Variants in MOXD1 observed in about 807,000 individuals in gnomAD.
MOXD1 encodes monooxygenase DBH like 1, also known as DBH-like monooxygenase protein 1.
MOXD1 carries 62 observed loss-of-function variants against 66.6 expected under a neutral mutation model. The observed-to-expected ratio is 0.93, with a 90% CI of 0.76 to 1.15. The LOEUF (loss-of-function observed/expected upper bound fraction) is 1.15, where lower values mean the gene tolerates loss of function less well. Among genes scored for constraint, MOXD1 ranks in the 50% most tolerant of loss-of-function variants. The pLI is 0.00. For synonymous variants in MOXD1, 303 were observed against 281.9 expected, an observed-to-expected ratio of 1.07 and a Z score of -0.75; for missense variants, 847 against 754.6, an observed-to-expected ratio of 1.12 and a Z score of -1.44.
chr6:132,311,582 A>G (rs1156827880), intron 10 of MOXD1, among the ~76,000 whole-genome samples: 1 of 152,026 alleles, frequency 6.6e-6, no homozygotes, highest in Non-Finnish European at 1.5e-5. Context: ...TCTTCATAAA[A>G]TATTATTTCT....
intron 4 of MOXD1, among the ~76,000 whole-genome samples, chr6:132,360,182 G>A (rs1023842228): frequency 2.0e-5 from 3 of 152,194 alleles, no homozygotes; most frequent in Non-Finnish European, 4.4e-5. Flanking sequence ...TTTAGTCAAT[G>A]AATGCTGTTT....
intron 1 of MOXD1, among the ~76,000 whole-genome samples, chr6:132,379,744 T>C (rs1384901733): frequency 6.6e-6 from 1 of 152,222 alleles, no homozygotes; most frequent in Non-Finnish European, 1.5e-5. Flanking sequence ...ATTGTATTCA[T>C]ATTTTACTTG....
At chr6:132,378,066 G>A (rs1372294967) in intron 1 of MOXD1, among the ~76,000 whole-genome samples, 1 of 152,090 alleles carries the variant, frequency 6.6e-6, no homozygotes, top group Non-Finnish European at 1.5e-5. Flanking sequence ...CTGGGAGGCG[G>A]AGGTTGCAGT....
intron 4 of MOXD1, among the ~76,000 whole-genome samples, chr6:132,358,622 T>A (rs375632966): frequency 2.6e-5 from 4 of 152,312 alleles, no homozygotes; most frequent in African/African-American, 9.6e-5. Context: ...ACCAAAATCA[T>A]AAAAGTTAAG....
In MOXD1 at chr6:132,297,103, A is replaced by G. The variant is rs1267022133; in HGVS notation, c.*50T>C. On this transcript the variant is annotated 3_prime_UTR_variant, in exon 12 of 12. Transcript: ENST00000367963. ...ACACAGTCTTTAACCTGTACTTCAA[A>G]TGACAGGTTCAGATCATAGAAAACA... 8.2e-6 allele frequency: 13 copies of G among 1,582,722 alleles called. No individual in the cohort carries two copies. Among genetic ancestry groups the G allele is most frequent in the Admixed American group, 1.7e-5 (1 of 57,762 alleles).
chr6:132,307,858 A>G (rs1774729437), intron 10 of MOXD1, among the ~76,000 whole-genome samples: 2 of 152,338 alleles, frequency 1.3e-5, no homozygotes, highest in South Asian at 4.1e-4. Flanking sequence ...TCTGGGACAC[A>G]GCTAAAGCAG....
intron 4 of MOXD1, among the ~76,000 whole-genome samples, chr6:132,369,946 A>G (rs186979242): frequency 1.2e-3 from 178 of 152,282 alleles, no homozygotes; most frequent in Middle Eastern, 3.4e-3. Flanking sequence ...AACTGCAAAT[A>G]CAAACAAATT....
chr6:132,375,292 C>T (rs1776355685), intron 1 of MOXD1, among the ~76,000 whole-genome samples: 1 of 152,110 alleles, frequency 6.6e-6, no homozygotes, highest in Non-Finnish European at 1.5e-5. Flanking sequence ...AATGGCATAT[C>T]CTTATTAAAA....
At chr6:132,393,328 T>C (rs758192861) in intron 1 of MOXD1, among the ~76,000 whole-genome samples, 3 of 152,128 alleles carry the variant, frequency 2.0e-5, no homozygotes, top group Non-Finnish European at 4.4e-5. Flanking sequence ...GGAGCTAAAA[T>C]AGCAATTAGA....
At chr6:132,386,431 A>AC (rs1203368743) in intron 1 of MOXD1, among the ~76,000 whole-genome samples, 11 of 133,120 alleles carry the variant, frequency 8.3e-5, no homozygotes, top group African/African-American at 3.2e-4. Context: ...AACAAAACAA[A>AC]ACAAAAAAAA....
chr6:132,336,388 A>T (rs898005157), intron 4 of MOXD1, among the ~76,000 whole-genome samples: 2 of 152,200 alleles, frequency 1.3e-5, no homozygotes, highest in African/African-American at 4.8e-5. Context: ...TTTCAGCCAG[A>T]ACTAACCATG....
intron 4 of MOXD1, among the ~76,000 whole-genome samples, chr6:132,349,440 TATATATATATACATATATATATATAC>T (rs1775750357): frequency 3.0e-5 from 2 of 66,094 alleles, no homozygotes; most frequent in Non-Finnish European, 4.8e-5. Flanking sequence ...TATATACATA[TATATATATATACATATATATATATAC>T]ATATATATAT....
chr6:132,310,837 G>A lies in MOXD1; in HGVS notation c.1508+4798C>T, dbSNP rs139225747. Among the ~76,000 whole-genome samples the A allele has an allele frequency of 2.8e-3, 421 of 152,172 alleles. 2 individuals are homozygous for A. The highest frequency in any genetic ancestry group is 9.8e-3 in the African/African-American group (408 of 41,538). ...CAGAGAGGGGAGCAACACACACCAG[G>A]GCCTGTTGGGGGATGGGGGGTGAAG... On this transcript the variant is annotated intron_variant, in intron 10 of 11. Coordinates refer to ENST00000367963, the MANE Select transcript of MOXD1 (RefSeq NM_015529.4).
intron 4 of MOXD1, among the ~76,000 whole-genome samples, chr6:132,345,402 A>G (rs1208369420): frequency 6.6e-6 from 1 of 152,118 alleles, no homozygotes; most frequent in Admixed American, 6.5e-5. Flanking sequence ...ATAAATTGGT[A>G]AGTTTTTCTT....
At chr6:132,382,239 T>A (rs1159011968) in intron 1 of MOXD1, among the ~76,000 whole-genome samples, 1 of 152,082 alleles carries the variant, frequency 6.6e-6, no homozygotes, top group African/African-American at 2.4e-5. Flanking sequence ...TAGAGAGGAT[T>A]CAGAGAATCA....
chr6:132,315,698 C>G lies in MOXD1; in HGVS notation c.1445G>C (p.Ser482Thr), dbSNP rs1197220042. 1.9e-6 allele frequency: 3 copies of G among 1,613,370 alleles called. No homozygotes were observed. The highest frequency in any genetic ancestry group is 1.3e-5 in the African/African-American group (1 of 74,860). The change falls in exon 10 of 12, where the codon AGT (serine) becomes ACT (threonine). Residue 482 changes from serine to threonine, a missense_variant. Physicochemically the swap from Ser to Thr is moderately conservative, Grantham distance 58. Coordinates refer to ENST00000367963, the MANE Select transcript of MOXD1 (RefSeq NM_015529.4). ...AAGTTGTTCCATAATGTCTGGAATA[C>G]TTGCACATCGAGTAAGATTAATTCT... is the stretch of plus-strand genomic sequence containing the variant. ...YPRINLTRCA[S>T]IPDIMEQLQF...
At chr6:132,369,398 G>A (rs1176744398) in intron 4 of MOXD1, among the ~76,000 whole-genome samples, 1 of 152,014 alleles carries the variant, frequency 6.6e-6, no homozygotes, top group Non-Finnish European at 1.5e-5. Context: ...AGCAAAATTG[G>A]CATGAATTTC....
intron 1 of MOXD1, among the ~76,000 whole-genome samples, chr6:132,390,018 AG>A (rs1776726121): frequency 6.6e-6 from 1 of 151,444 alleles, no homozygotes; most frequent in Non-Finnish European, 1.5e-5. Context: ...ATTGAAGATG[AG>A]AAAGAATACA....
chr6:132,352,832 G>A (rs1295388694), intron 4 of MOXD1, among the ~76,000 whole-genome samples: 1 of 152,108 alleles, frequency 6.6e-6, no homozygotes, highest in Admixed American at 6.5e-5. Context: ...GTGCATGTAT[G>A]TTTAGGATTG....
Sources: allele counts gnomAD v4.1 joint callset (sites outside exome capture counted in the v4.1 genomes callset), GRCh38; gene constraint gnomAD v4.1.1; transcripts MANE v1.5; gene names NCBI Gene and HGNC (gene_info 2026-07-23, HGNC 2026-07-21).